RNF144B: variants seen among roughly 807,000 people sequenced by gnomAD.
The protein encoded by RNF144B is ring finger protein 144B, also known as E3 ubiquitin-protein ligase RNF144B.
RNF144B carries 25 observed loss-of-function variants against 40.2 expected under a neutral mutation model. The ratio of observed to expected loss-of-function variants is 0.62; its 90% CI spans 0.45 to 0.87. RNF144B has a LOEUF of 0.87. Ranked by LOEUF, RNF144B falls within the 40% of genes least tolerant of loss-of-function variation. The probability of loss-of-function intolerance (pLI) is 0.00; values close to 1 mark genes in which losing one functional copy is unlikely to be tolerated. For missense variants in RNF144B, 365 were observed against 373.7 expected, an observed-to-expected ratio of 0.98 and a Z score of 0.19; for synonymous variants, 145 against 136.3, an observed-to-expected ratio of 1.06 and a Z score of -0.44.
In RNF144B at chr6:18,444,859, T is replaced by C. The variant is rs1355393595; in HGVS notation, c.331+5115T>C. Among the ~76,000 whole-genome samples the C allele has an allele frequency of 3.3e-5, 5 of 152,196 alleles. No individual in the cohort carries two copies. Among genetic ancestry groups the C allele is most frequent in the African/African-American group, 1.2e-4 (5 of 41,460 alleles). ...AGCCCTTTTGTTCTCAGCATTCTCC[T>C]CAAGCCTCCTTTCATTTCATGTCTT... On this transcript the variant is annotated intron_variant, in intron 4 of 7. Coordinates refer to ENST00000259939, the MANE Select transcript of RNF144B (RefSeq NM_182757.4). This position sits in a 1 kb window ranked among gnomAD's most constrained non-coding sequence, Gnocchi z 4.3.
rs1221573595 is a variant in RNF144B at position 18,433,620 on chromosome 6, C to G, written c.270+5935C>G. Among the ~76,000 whole-genome samples, 11 of 152,130 alleles carry G rather than the reference C, an allele frequency of 7.2e-5. No individual in the cohort carries two copies. The East Asian group carries it at 1.9e-3, about 27-fold the overall frequency. On this transcript the variant is annotated intron_variant, in intron 3 of 7. Transcript: ENST00000259939. ...ATCTTGGTTAGATAATGTACAGAGACTTCTATAGCACATGTGAAACAAAGA... is the reference window on the plus strand; with the variant it reads ...ATCTTGGTTAGATAATGTACAGAGAGTTCTATAGCACATGTGAAACAAAGA...
chr6:18,397,702 C>G (rs990597428), intron 1 of RNF144B, among the ~76,000 whole-genome samples: 1 of 152,032 alleles, frequency 6.6e-6, no homozygotes, highest in Non-Finnish European at 1.5e-5. Flanking sequence ...TAGTCATGGA[C>G]TTCAACTCTC....
At chr6:18,432,870 G>C (rs729378) in intron 3 of RNF144B, among the ~76,000 whole-genome samples, 19,410 of 152,164 alleles carry the variant, frequency 0.13, 1,394 homozygotes, top group Admixed American at 0.19. Context: ...TGCTAGTGCC[G>C]CAGTGTGCAC....
intron 3 of RNF144B, among the ~76,000 whole-genome samples, chr6:18,429,211 G>T (rs1043901684): frequency 3.3e-5 from 5 of 151,894 alleles, no homozygotes; most frequent in African/African-American, 1.2e-4. Flanking sequence ...AAAAAAATGG[G>T]AATGGGGGCA....
chr6:18,455,757 T>G (rs1759308927), intron 4 of RNF144B, among the ~76,000 whole-genome samples: 1 of 152,166 alleles, frequency 6.6e-6, no homozygotes, highest in South Asian at 2.1e-4. Context: ...TTGCAAACAC[T>G]TAAATAGATG....
rs1758784463 is a variant in RNF144B, at chr6:18,434,907, C to T, written c.271-4777C>T. ...AAGTGCTAGGATTACAGGCGTAAGC[C>T]ACCTTGCCTGGCCAGAATTGAGTAT... On this transcript the variant is annotated intron_variant, in intron 3 of 7. Coordinates refer to ENST00000259939, the MANE Select transcript of RNF144B (RefSeq NM_182757.4). The surrounding 1 kb of genome is among the most constrained non-coding windows in gnomAD (Gnocchi z 4.1). Among the ~76,000 whole-genome samples, 1 of 152,176 alleles carries T rather than the reference C, an allele frequency of 6.6e-6. No homozygotes were observed. Among genetic ancestry groups the T allele is most frequent in the African/African-American group, 2.4e-5 (1 of 41,432 alleles).
intron 3 of RNF144B, among the ~76,000 whole-genome samples, chr6:18,429,017 C>T (rs1380745067): frequency 1.3e-5 from 2 of 151,908 alleles, no homozygotes; most frequent in Non-Finnish European, 2.9e-5. Context: ...TATAGCAAGA[C>T]CCCCATATCT....
Position 18,434,201 on chromosome 6 carries a change from TTC to T in RNF144B, c.271-5481_271-5480del, listed in dbSNP as rs767537895. Among the ~76,000 whole-genome samples, 8 of 152,150 alleles carry T rather than the reference TTC, an allele frequency of 5.3e-5. No individual in the cohort carries two copies. Among genetic ancestry groups the T allele is most frequent in the Non-Finnish European group, 4.4e-5 (3 of 68,032 alleles). On this transcript the variant is annotated intron_variant, in intron 3 of 7. Transcript: ENST00000259939. This position sits in a 1 kb window ranked among gnomAD's most constrained non-coding sequence, Gnocchi z 4.1. ...CAGTTCTCTAAAGCCTATCCCCAAT[TTC>T]TGTTTCATTTTTTTAATTGAGTCTT... is the stretch of plus-strand genomic sequence containing the variant.
At chr6:18,439,906 T>C (rs1157141038) in intron 4 of RNF144B, among the ~76,000 whole-genome samples, 162 bp downstream of exon 4, 1 of 152,180 alleles carries the variant, frequency 6.6e-6, no homozygotes, top group Non-Finnish European at 1.5e-5. Flanking sequence ...TTCAAGCCTC[T>C]AAGCTACCAC....
chr6:18,428,887 G>A (rs1038034457), intron 3 of RNF144B, among the ~76,000 whole-genome samples: 5 of 152,100 alleles, frequency 3.3e-5, no homozygotes, highest in Non-Finnish European at 7.4e-5. Flanking sequence ...CCATAATTAC[G>A]TGGCTTTGAG....
intron 1 of RNF144B, 44 bp downstream of exon 1, chr6:18,387,674 C>A (rs757024307): frequency 7.8e-7 from 1 of 1,280,892 alleles, no homozygotes; most frequent in Non-Finnish European, 1.0e-6. Flanking sequence ...GTTGCAAGAC[C>A]GGAATGGTGT....
rs1178753943 is a variant in RNF144B, at chr6:18,441,850, CCTGTGAGT to C, written c.331+2107_331+2114del. On this transcript the variant is annotated intron_variant, in intron 4 of 7. Transcript: ENST00000259939. The surrounding 1 kb of genome is among the most constrained non-coding windows in gnomAD (Gnocchi z 4.9). ...GTGAATTAATACTTGTAAAGCACTT[CCTGTGAGT>C]GCTTCCTGTGTCTCAGTGTTCAAAA... Among the ~76,000 whole-genome samples the C allele has an allele frequency of 6.6e-6, 1 of 152,174 alleles. No homozygotes were observed. The highest frequency in any genetic ancestry group is 1.5e-5 in the Non-Finnish European group (1 of 68,036).
chr6:18,463,856 CAA>C (rs999428049), intron 7 of RNF144B, among the ~76,000 whole-genome samples: 5 of 152,300 alleles, frequency 3.3e-5, no homozygotes, highest in Admixed American at 3.3e-4. Context: ...AAAGGAGGAG[CAA>C]AGTCATGTCT....
In RNF144B at chr6:18,459,290, C is replaced by T. The variant is rs1759401055; in HGVS notation, c.537-317C>T. ...CCCAGTTTGGACCCTGACCTAGTTTCTCTGCTGTGTAGCCAACTCCTTGCC... is the reference window on the plus strand; with the variant it reads ...CCCAGTTTGGACCCTGACCTAGTTTTTCTGCTGTGTAGCCAACTCCTTGCC... On this transcript the variant is annotated intron_variant, in intron 5 of 7. Coordinates refer to ENST00000259939, the MANE Select transcript of RNF144B (RefSeq NM_182757.4). This position sits in a 1 kb window ranked among gnomAD's most constrained non-coding sequence, Gnocchi z 4.2. Among the ~76,000 whole-genome samples, 2 of 152,328 alleles carry T rather than the reference C, an allele frequency of 1.3e-5. No homozygotes were observed. Among genetic ancestry groups the T allele is most frequent in the Middle Eastern group, 3.4e-3 (1 of 294 alleles).
rs1316379171 is a variant in RNF144B, at chr6:18,387,493, T to C, written c.-174T>C. The C allele has an allele frequency of 1.5e-6, 2 of 1,298,358 alleles. No individual in the cohort carries two copies. The highest frequency in any genetic ancestry group is 2.3e-5 in the Admixed American group (1 of 44,150). 80.4% of individuals were successfully genotyped at this position (1,298,358 alleles called of 1,614,324 possible). ...GTTGCAGTCTTGCAAAGTGTAAAGC[T>C]GTCAGCCGCAGAGCACGGAGGAAAG... On this transcript the variant is annotated 5_prime_UTR_variant, in exon 1 of 8. Coordinates refer to ENST00000259939, the MANE Select transcript of RNF144B (RefSeq NM_182757.4).
intron 3 of RNF144B, among the ~76,000 whole-genome samples, chr6:18,433,892 A>G (rs557590855): frequency 2.0e-5 from 3 of 152,266 alleles, no homozygotes; most frequent in Non-Finnish European, 2.9e-5. Context: ...TTTAGTTCCT[A>G]TGTTAATGTG....
In RNF144B at chr6:18,457,356, A is replaced by T; in HGVS notation, c.533A>T (p.His178Leu). 1 of 1,612,026 alleles carries T rather than the reference A, an allele frequency of 6.2e-7. No individual in the cohort carries two copies. Among genetic ancestry groups the T allele is most frequent in the African/African-American group, 1.3e-5 (1 of 75,020 alleles). The change falls in exon 5 of 8, where the codon CAC (histidine) becomes CTC (leucine). Residue 178 changes from histidine (H) to leucine (L), a missense_variant. Physicochemically the swap from His to Leu is moderately conservative, Grantham distance 99 (BLOSUM62 -3). Coordinates refer to ENST00000259939, the MANE Select transcript of RNF144B (RefSeq NM_182757.4). This position sits in a 1 kb window ranked among gnomAD's most constrained non-coding sequence, Gnocchi z 5.1. ...DSQPIVLPTE[H>L]RALFGTDAEA... ...CAGCCTATTGTCCTGCCAACAGAGC[A>T]CCGGTAAGAAAGGAAACTTTGTCTT...
chr6:18,435,573 A>C (rs9465141), intron 3 of RNF144B, among the ~76,000 whole-genome samples: 4,894 of 152,294 alleles, frequency 0.032, 156 homozygotes, highest in African/African-American at 0.077. Flanking sequence ...GTTTGATTAG[A>C]AACAGGATTT....
Position 18,450,319 on chromosome 6 carries a change from A to G in RNF144B, c.332-6836A>G, listed in dbSNP as rs1759184164. Among the ~76,000 whole-genome samples the G allele has an allele frequency of 6.7e-6, 1 of 150,330 alleles. No individual in the cohort carries two copies. The highest frequency in any genetic ancestry group is 2.4e-5 in the African/African-American group (1 of 40,924). ...GTGCTTGCCAGTTTTTTTTTTTTAGATGGAGTCTTGCTCTGTCACCCAGGC... is the reference window on the plus strand; with the variant it reads ...GTGCTTGCCAGTTTTTTTTTTTTAGGTGGAGTCTTGCTCTGTCACCCAGGC... On this transcript the variant is annotated intron_variant, in intron 4 of 7. Transcript: ENST00000259939. This position sits in a 1 kb window ranked among gnomAD's most constrained non-coding sequence, Gnocchi z 4.7.
Sources: gnomAD v4.1 joint callset for allele counts (sites outside exome capture counted in the v4.1 genomes callset) on GRCh38, gnomAD v4.1.1 for gene constraint, Gnocchi (gnomAD v3.1) non-coding constraint, MANE v1.5 for transcripts, NCBI Gene and HGNC (gene_info 2026-07-23, HGNC 2026-07-21) for gene names.